The following MARK3 variants were observed in gnomAD, a reference collection of about 807,000 sequenced individuals.
MARK3 encodes the protein microtubule affinity regulating kinase 3.
MARK3 carries 46 observed loss-of-function variants against 90.1 expected under a neutral mutation model. That is an observed-to-expected ratio of 0.51 (90% CI 0.40 to 0.65). The LOEUF is 0.65. Among genes scored for constraint, MARK3 ranks in the 30% least tolerant of loss-of-function variants. The pLI is 0.00. For synonymous variants in MARK3, 321 were observed against 332.6 expected, an observed-to-expected ratio of 0.97 and a Z score of 0.38; for missense variants, 818 against 947.2, an observed-to-expected ratio of 0.86 and a Z score of 1.79.
At chr14:103,433,794 A>C (rs999468788) in intron 3 of MARK3, among the ~76,000 whole-genome samples, 1 of 152,162 alleles carries the variant, frequency 6.6e-6, no homozygotes, top group African/African-American at 2.4e-5. Flanking sequence ...GGGAATGTGG[A>C]ATCTTAGCAG....
chr14:103,427,497 CAAAAA>C (rs71126021), intron 2 of MARK3, among the ~76,000 whole-genome samples: 4 of 110,818 alleles, frequency 3.6e-5, no homozygotes, highest in Non-Finnish European at 5.3e-5. Context: ...GAGACTGTTT[CAAAAA>C]AAAAAAAAAA....
In MARK3 at chr14:103,405,092, A is replaced by T; in HGVS notation, c.68A>T (p.Asp23Val). 1 of 1,613,872 alleles carries T rather than the reference A, an allele frequency of 6.2e-7. No homozygotes were observed. Residue 23 changes from aspartate to valine, a missense_variant, in exon 2 of 18, where the codon GAT (aspartate) becomes GTT (valine). Transcript: ENST00000429436. ...RDTENHTSHGDGRQEVTSRTS... is the reference protein window; with the variant it reads ...RDTENHTSHGVGRQEVTSRTS... Reference sequence around the variant, plus strand: ...GTATTGCAGCACACGTCACATGGAGATGGGCGTCAAGAAGTTACCTCTCGT... The same window carrying T: ...GTATTGCAGCACACGTCACATGGAGTTGGGCGTCAAGAAGTTACCTCTCGT...
chr14:103,451,692 C>G (rs2273703), intron 4 of MARK3, among the ~76,000 whole-genome samples: 50,933 of 152,036 alleles, frequency 0.34, 8,861 homozygotes, highest in Middle Eastern at 0.45. Flanking sequence ...ATATGGAAGT[C>G]ACACTGAACA....
chr14:103,499,803 C>G, intron 16 of MARK3: 1 of 254,244 alleles, frequency 3.9e-6, no homozygotes, highest in African/African-American at 2.3e-5. Flanking sequence ...TAACCCCATT[C>G]TGAGGCCGAG....
Position 103,480,400 on chromosome 14 carries a change from C to G in MARK3, c.1496C>G (p.Ser499Cys), listed in dbSNP as rs1377831106. ...SSTVPSSNTASGGMTRRNTYV... is the reference protein window; with the variant it reads ...SSTVPSSNTACGGMTRRNTYV... ...CCTTTTTTATAGAGTAACACAGCAT[C>G]TGGTGGAATGACACGACGAAATACT... Residue 499 changes from serine to cysteine, a missense_variant, in exon 14 of 18, where the codon TCT (serine) becomes TGT (cysteine). Physicochemically the swap from Ser to Cys is moderately radical, Grantham distance 112. This residue lies in a region of MARK3 where 560 missense variants were observed against 613.5 expected (regional missense o/e 0.91). Coordinates refer to ENST00000429436, the MANE Select transcript of MARK3 (RefSeq NM_001128918.3). 2 of 1,610,298 alleles carry G rather than the reference C, an allele frequency of 1.2e-6. No homozygotes were observed. Among genetic ancestry groups the G allele is most frequent in the South Asian group, 1.1e-5 (1 of 90,882 alleles).
chr14:103,489,216 T>A lies in MARK3; in HGVS notation c.1587-2561T>A, dbSNP rs1266368110. 2.0e-5 allele frequency among the ~76,000 whole-genome samples: 3 copies of A among 152,210 alleles called. No homozygotes were observed. The East Asian group carries it at 5.8e-4, about 29-fold the overall frequency. On this transcript the variant is annotated intron_variant, in intron 14 of 17. Transcript: ENST00000429436. Reference sequence around the variant, plus strand: ...TGAATAGAAAGATCCCAGCCCTCCATACCAAGAGAATAACTCCTGCAAACA... The same window carrying A: ...TGAATAGAAAGATCCCAGCCCTCCAAACCAAGAGAATAACTCCTGCAAACA...
rs113777199 is a variant in MARK3, at chr14:103,447,162, C to A, written c.298-1757C>A. On this transcript the variant is annotated intron_variant, in intron 3 of 17. Coordinates refer to ENST00000429436, the MANE Select transcript of MARK3 (RefSeq NM_001128918.3). ...TCAAATCCTGTCCATGGGCTGGGCA[C>A]AGTGGCCCACACCTGTGATCCTAGC... 1.3e-3 allele frequency among the ~76,000 whole-genome samples: 203 copies of A among 152,224 alleles called. 1 individual carries two copies. Among genetic ancestry groups the A allele is most frequent in the African/African-American group, 4.7e-3 (194 of 41,530 alleles).
chr14:103,397,243 G>A (rs891598758), intron 1 of MARK3, among the ~76,000 whole-genome samples: 1 of 151,780 alleles, frequency 6.6e-6, no homozygotes, highest in Non-Finnish European at 1.5e-5. Flanking sequence ...TGCCTTGAAG[G>A]TTTGACACCA....
intron 5 of MARK3, among the ~76,000 whole-genome samples, chr14:103,453,186 A>G (rs988004966): frequency 6.6e-6 from 1 of 152,122 alleles, no homozygotes; most frequent in Non-Finnish European, 1.5e-5. Context: ...AATGATTTGT[A>G]TTTTATGGTT....
intron 2 of MARK3, chr14:103,412,423 C>G: frequency 1.7e-6 from 1 of 582,396 alleles, no homozygotes; most frequent in South Asian, 1.9e-5. Context: ...TTTGCTTTAT[C>G]AGAGACTCTG....
intron 3 of MARK3, among the ~76,000 whole-genome samples, chr14:103,436,508 A>G (rs1464862136): frequency 6.6e-6 from 1 of 151,620 alleles, no homozygotes; most frequent in Non-Finnish European, 1.5e-5. Context: ...TAGTTGTTAC[A>G]GTCTTGTCTG....
At chr14:103,488,044 CAAA>C (rs35899081) in intron 14 of MARK3, among the ~76,000 whole-genome samples, 1 of 144,732 alleles carries the variant, frequency 6.9e-6, no homozygotes, top group African/African-American at 2.6e-5. Context: ...GACTCCGTCT[CAAA>C]AAAAAAAAAA....
chr14:103,390,028 C>T (rs1436342970), intron 1 of MARK3, among the ~76,000 whole-genome samples: 1 of 148,704 alleles, frequency 6.7e-6, no homozygotes, highest in Non-Finnish European at 1.5e-5. Flanking sequence ...GCGGGCAGAT[C>T]ACGAGGTCAG....
At chr14:103,443,476 C>G (rs951094088) in intron 3 of MARK3, among the ~76,000 whole-genome samples, 1 of 152,108 alleles carries the variant, frequency 6.6e-6, no homozygotes, top group Non-Finnish European at 1.5e-5. Flanking sequence ...GTACATTTAT[C>G]TTTGTTTCCC....
At chr14:103,427,788 G>A (rs890558142) in intron 2 of MARK3, among the ~76,000 whole-genome samples, 2 of 152,100 alleles carry the variant, frequency 1.3e-5, no homozygotes, top group South Asian at 2.1e-4. Context: ...AGCTTATAAT[G>A]AGCAGTGAGG....
chr14:103,480,241 C>T, intron 13 of MARK3, 146 bp from the exon 14 acceptor site: 1 of 538,446 alleles, frequency 1.9e-6, no homozygotes, highest in Non-Finnish European at 3.3e-6. Flanking sequence ...CTCCACTGCA[C>T]TCCAGCCTGG....
At position 103,480,532 on chromosome 14, in the gene MARK3, A is replaced by G. The variant is rs772386693; in HGVS notation, c.1586+42A>G. ...GTTTGTAAGAAAAGTTGTTTTTCCC[A>G]AGAGAAATGGAAGCATGTTATTTAC... is the stretch of plus-strand genomic sequence containing the variant. On this transcript the variant is annotated intron_variant, in intron 14 of 17. Coordinates refer to ENST00000429436, the MANE Select transcript of MARK3 (RefSeq NM_001128918.3). 7.4e-6 allele frequency: 9 copies of G among 1,211,566 alleles called. No homozygotes were observed. The Admixed American group carries it at 1.3e-4, about 18-fold the overall frequency. The allele number at this position is 1,211,566 out of a possible 1,614,324, so 75.1% of individuals were successfully genotyped here.
At chr14:103,499,961 C>A (rs2075566907) in intron 16 of MARK3, 195 bp from the exon 17 acceptor site, 2 of 607,234 alleles carry the variant, frequency 3.3e-6, no homozygotes, top group Non-Finnish European at 6.0e-6. Flanking sequence ...CACACCCCTG[C>A]AGCCTTGTGG....
At chr14:103,497,400 TAACA>T (rs1186479698) in intron 15 of MARK3, among the ~76,000 whole-genome samples, 1 of 152,232 alleles carries the variant, frequency 6.6e-6, no homozygotes, top group African/African-American at 2.4e-5. Context: ...AAATAGAAAT[TAACA>T]AACTCAGCCT....
Sources: allele counts gnomAD v4.1 joint callset (sites outside exome capture counted in the v4.1 genomes callset), GRCh38; gene constraint gnomAD v4.1.1; regional missense constraint gnomAD v4.1.1; transcripts MANE v1.5; gene names NCBI Gene and HGNC (gene_info 2026-07-23, HGNC 2026-07-21).